SCN2B: variants seen among roughly 807,000 people sequenced by gnomAD.
SCN2B encodes the protein sodium channel regulatory subunit beta-2.
A neutral mutation model predicts 18.2 loss-of-function variants in SCN2B; 14 were observed. The observed-to-expected ratio is 0.77, with a 90% CI of 0.51 to 1.21. The LOEUF is 1.21. Ranked by LOEUF, SCN2B falls within the 50% of genes most tolerant of loss-of-function variation. The pLI is 0.00. For synonymous variants in SCN2B, 115 were observed against 115.3 expected, an observed-to-expected ratio of 1.00 and a Z score of 0.02; for missense variants, 262 against 286.9, an observed-to-expected ratio of 0.91 and a Z score of 0.63.
At chr11:118,175,273 T>C (rs898156919) in intron 1 of SCN2B, among the ~76,000 whole-genome samples, 1 of 152,196 alleles carries the variant, frequency 6.6e-6, no homozygotes, top group African/African-American at 2.4e-5. Context: ...CCTGTGATCA[T>C]TACGTAAATG....
At chr11:118,169,357 G>T (rs1948412303) in intron 1 of SCN2B, among the ~76,000 whole-genome samples, 1 of 152,130 alleles carries the variant, frequency 6.6e-6, no homozygotes, top group African/African-American at 2.4e-5. Context: ...GCTTGCCTCA[G>T]TTTCCCCCTT....
chr11:118,168,129 C>T lies in SCN2B; in HGVS notation c.404G>A (p.Arg135His), dbSNP rs370514575. 7 of 1,614,022 alleles carry T rather than the reference C, an allele frequency of 4.3e-6. No homozygotes were observed. The highest frequency in any genetic ancestry group is 2.2e-5 in the East Asian group (1 of 44,886). ...ATGGATCTTGCCATGGCCACGGTGG[C>T]GGTCAGGGGGGTTCATGATGTAGCA... ...YNCYIMNPPD[R>H]HRGHGKIHLQ... The change falls in exon 3 of 4, where the codon CGC (arginine) becomes CAC (histidine). Residue 135 changes from arginine (R) to histidine (H), a missense_variant. By Grantham distance (29) the Arg-to-His change is conservative. Coordinates refer to ENST00000278947, the MANE Select transcript of SCN2B (RefSeq NM_004588.5). The surrounding 1 kb of genome is among the most constrained non-coding windows in gnomAD (Gnocchi z 4.7).
chr11:118,168,208 C>A lies in SCN2B; in HGVS notation c.325G>T (p.Asp109Tyr). 1 of 1,614,196 alleles carries A rather than the reference C, an allele frequency of 6.2e-7. No homozygotes were observed. The highest frequency in any genetic ancestry group is 8.5e-7 in the Non-Finnish European group (1 of 1,180,012). Reference sequence around the variant, plus strand: ...ACGTTTCTCAGCATCACCGACACATCGTACTTGCTGGGGTTCCCTGAGAAC... The same window carrying A: ...ACGTTTCTCAGCATCACCGACACATAGTACTTGCTGGGGTTCCCTGAGAAC... The part of the protein sequence containing the change: ...VEFSGNPSKY[D>Y]VSVMLRNVQP... The change falls in exon 3 of 4, where the codon GAT becomes TAT. Residue 109 changes from aspartate (D) to tyrosine (Y), a missense_variant. By Grantham distance (160) the Asp-to-Tyr change is radical. Coordinates refer to ENST00000278947, the MANE Select transcript of SCN2B (RefSeq NM_004588.5). This position sits in a 1 kb window ranked among gnomAD's most constrained non-coding sequence, Gnocchi z 4.7.
chr11:118,176,415 C>T lies in SCN2B; in HGVS notation c.17G>A (p.Trp6Ter). MHRDA[W>*]LPRPAFSLTG... ...GAGGCTGAAGGCAGGGCGAGGTAGCCAGGCATCTCTGTGCATTTTCAGAGA... is the reference window on the plus strand; with the variant it reads ...GAGGCTGAAGGCAGGGCGAGGTAGCTAGGCATCTCTGTGCATTTTCAGAGA... The change falls in exon 1 of 4, where the codon TGG (tryptophan) becomes TAG (stop). Residue 6 changes from tryptophan (W) to a stop codon, truncating the protein, a stop_gained. Coordinates refer to ENST00000278947, the MANE Select transcript of SCN2B (RefSeq NM_004588.5). LOFTEE classifies it high-confidence loss of function. 6.2e-7 allele frequency: 1 copy of T among 1,614,064 alleles called. No homozygotes were observed. Among genetic ancestry groups the T allele is most frequent in the East Asian group, 2.2e-5 (1 of 44,886 alleles).
rs899592055 is a variant in SCN2B at position 118,176,347 on chromosome 11, A to G, written c.70+15T>C. On this transcript the variant is annotated intron_variant, in intron 1 of 3. Transcript: ENST00000278947. ...CTTCTGAACCCTCGGGAGCATGCAG[A>G]TGTGTCTAACTTACCCAAAGAGAAA... 5.6e-6 allele frequency: 9 copies of G among 1,611,270 alleles called. No individual in the cohort carries two copies. The highest frequency in any genetic ancestry group is 4.0e-5 in the African/African-American group (3 of 74,286).
intron 1 of SCN2B, among the ~76,000 whole-genome samples, chr11:118,172,492 T>C (rs902599653): frequency 6.6e-6 from 1 of 152,222 alleles, no homozygotes; most frequent in Non-Finnish European, 1.5e-5. Context: ...GCCGACTATA[T>C]GGCAGGTCCA....
At position 118,164,837 on chromosome 11, in the gene SCN2B, T is replaced by A. The variant is rs1019813838; in HGVS notation, c.*2050A>T. On this transcript the variant is annotated 3_prime_UTR_variant, in exon 4 of 4. Coordinates refer to ENST00000278947, the MANE Select transcript of SCN2B (RefSeq NM_004588.5). ...AAATGGTTGCTGAATTGAAGCAAAT[T>A]AAGCTGAATCTCCCAGATGATATTG... The A allele has an allele frequency of 6.6e-6, 1 of 152,638 alleles. No homozygotes were observed. Among genetic ancestry groups the A allele is most frequent in the Admixed American group, 6.5e-5 (1 of 15,274 alleles). 9.5% of individuals were successfully genotyped at this position (152,638 alleles called of 1,614,324 possible).
intron 1 of SCN2B, among the ~76,000 whole-genome samples, chr11:118,172,337 A>T: frequency 6.6e-6 from 1 of 152,230 alleles, no homozygotes; most frequent in African/African-American, 2.4e-5. Flanking sequence ...AAGATGGAGC[A>T]CAAAGAAGTT....
rs777341561 is a variant in SCN2B, at chr11:118,166,843, A to AGGGGAGGAGAC, written c.*33_*43dup. ...GGCAGGGTCACTGTACAGGGCGGAG[A>AGGGGAGGAGAC]GGGGAGGAGACGGGACACGGGAGGC... is the stretch of plus-strand genomic sequence containing the variant. On this transcript the variant is annotated 3_prime_UTR_variant, in exon 4 of 4. Coordinates refer to ENST00000278947, the MANE Select transcript of SCN2B (RefSeq NM_004588.5). 1 of 1,609,270 alleles carries AGGGGAGGAGAC rather than the reference A, an allele frequency of 6.2e-7. No individual in the cohort carries two copies. Among genetic ancestry groups the AGGGGAGGAGAC allele is most frequent in the Non-Finnish European group, 8.5e-7 (1 of 1,177,660 alleles).
chr11:118,166,906 G>C lies in SCN2B; in HGVS notation c.629C>G (p.Pro210Arg). 1 of 1,613,982 alleles carries C rather than the reference G, an allele frequency of 6.2e-7. No homozygotes were observed. Among genetic ancestry groups the C allele is most frequent in the Non-Finnish European group, 8.5e-7 (1 of 1,180,016 alleles). The change falls in exon 4 of 4, where the codon CCG (proline) becomes CGG (arginine). Residue 210 changes from proline to arginine, a missense_variant. Coordinates refer to ENST00000278947, the MANE Select transcript of SCN2B (RefSeq NM_004588.5). ...EEGKTDGEGN[P>R]DDGAK Reference sequence around the variant, plus strand: ...CACCCACTACTTGGCGCCATCATCCGGGTTGCCTTCACCGTCCGTCTTGCC... The same window carrying C: ...CACCCACTACTTGGCGCCATCATCCCGGTTGCCTTCACCGTCCGTCTTGCC...
In SCN2B at chr11:118,166,781, G is replaced by A; in HGVS notation, c.*106C>T. ...TTCAGGAGGCCCCAGGTGGGCCCTG[G>A]GGTCCTAGGTCACGGGAAGCACACC... On this transcript the variant is annotated 3_prime_UTR_variant, in exon 4 of 4. Coordinates refer to ENST00000278947, the MANE Select transcript of SCN2B (RefSeq NM_004588.5). The A allele has an allele frequency of 7.1e-7, 1 of 1,409,308 alleles. No individual in the cohort carries two copies. Among genetic ancestry groups the A allele is most frequent in the Non-Finnish European group, 9.9e-7 (1 of 1,008,294 alleles). 87.3% of individuals were successfully genotyped at this position (1,409,308 alleles called of 1,614,324 possible). A position where few individuals can be genotyped will look rare whatever the true frequency, so the allele number is the denominator to read the frequency against.
At chr11:118,171,493 T>C (rs756008857) in intron 1 of SCN2B, among the ~76,000 whole-genome samples, 27 of 151,816 alleles carry the variant, frequency 1.8e-4, no homozygotes, top group South Asian at 2.1e-4. Flanking sequence ...CTCTAGCTCT[T>C]CCCTTGGAAG....
In SCN2B at chr11:118,166,537, C is replaced by T. The variant is rs1251637869; in HGVS notation, c.*350G>A. On this transcript the variant is annotated 3_prime_UTR_variant, in exon 4 of 4. Coordinates refer to ENST00000278947, the MANE Select transcript of SCN2B (RefSeq NM_004588.5). ...TCTGAAGCCACTGCCAGGCCAAGCACTGGGCAGGTGGACAGCGGCCCCCTC... is the reference window on the plus strand; with the variant it reads ...TCTGAAGCCACTGCCAGGCCAAGCATTGGGCAGGTGGACAGCGGCCCCCTC... 8.0e-6 allele frequency: 3 copies of T among 375,822 alleles called. No individual in the cohort carries two copies. The highest frequency in any genetic ancestry group is 7.6e-5 in the Admixed American group (2 of 26,164). 23.3% of individuals were successfully genotyped at this position (375,822 alleles called of 1,614,324 possible).
chr11:118,163,406 C>G lies in SCN2B; in HGVS notation c.*3481G>C, dbSNP rs1375951686. On this transcript the variant is annotated 3_prime_UTR_variant, in exon 4 of 4. Coordinates refer to ENST00000278947, the MANE Select transcript of SCN2B (RefSeq NM_004588.5). ...TTAACCTGACCTTGCAAATATTTACCAGCCCAACCTCCCCAAGGAGACTCG... is the reference window on the plus strand; with the variant it reads ...TTAACCTGACCTTGCAAATATTTACGAGCCCAACCTCCCCAAGGAGACTCG... 6.6e-6 allele frequency: 1 copy of G among 152,532 alleles called. No individual in the cohort carries two copies. Among genetic ancestry groups the G allele is most frequent in the Non-Finnish European group, 1.5e-5 (1 of 68,052 alleles). 9.4% of individuals were successfully genotyped at this position (152,532 alleles called of 1,614,324 possible).
chr11:118,168,402 C>A lies in SCN2B; in HGVS notation c.238-107G>T. 7.8e-7 allele frequency: 1 copy of A among 1,286,492 alleles called. No individual in the cohort carries two copies. 79.7% of individuals were successfully genotyped at this position (1,286,492 alleles called of 1,614,324 possible). On this transcript the variant is annotated intron_variant, in intron 2 of 3. Transcript: ENST00000278947. This position sits in a 1 kb window ranked among gnomAD's most constrained non-coding sequence, Gnocchi z 4.7. Reference sequence around the variant, plus strand: ...CCACCCTTTTCCTGGGGAAGAGAGGCAGTTACCTCTGTGAGGCACCTGGAT... The same window carrying A: ...CCACCCTTTTCCTGGGGAAGAGAGGAAGTTACCTCTGTGAGGCACCTGGAT...
chr11:118,163,997 C>G lies in SCN2B; in HGVS notation c.*2890G>C, dbSNP rs1038417409. On this transcript the variant is annotated 3_prime_UTR_variant, in exon 4 of 4. Coordinates refer to ENST00000278947, the MANE Select transcript of SCN2B (RefSeq NM_004588.5). ...GCATATGAGGGCTGAGCACCTGGGACAGAGATGGTTCCTGACCCAGCCCCA... is the reference window on the plus strand; with the variant it reads ...GCATATGAGGGCTGAGCACCTGGGAGAGAGATGGTTCCTGACCCAGCCCCA... The G allele has an allele frequency of 1.3e-5, 2 of 152,100 alleles. No homozygotes were observed. Among genetic ancestry groups the G allele is most frequent in the African/African-American group, 4.8e-5 (2 of 41,408 alleles). 9.4% of individuals were successfully genotyped at this position (152,100 alleles called of 1,614,324 possible). A position where few individuals can be genotyped will look rare whatever the true frequency, so the allele number is the denominator to read the frequency against.
At position 118,167,970 on chromosome 11, in the gene SCN2B, T is replaced by C. The variant is rs933184752; in HGVS notation, c.448+115A>G. 78 of 801,692 alleles carry C rather than the reference T, an allele frequency of 9.7e-5. 1 individual carries two copies. In the South Asian group the frequency reaches 1.1e-3, roughly 11 times the overall value. The allele number at this position is 801,692 out of a possible 1,614,324, so 49.7% of individuals were successfully genotyped here. ...ATGGATTCCTTCTATGCAGCACAAATGGTTGCTCCCATCCTCAGGAGGGCC... is the reference window on the plus strand; with the variant it reads ...ATGGATTCCTTCTATGCAGCACAAACGGTTGCTCCCATCCTCAGGAGGGCC... On this transcript the variant is annotated intron_variant, in intron 3 of 3. Coordinates refer to ENST00000278947, the MANE Select transcript of SCN2B (RefSeq NM_004588.5).
At chr11:118,174,096 T>TTTTTTTTG in intron 1 of SCN2B, among the ~76,000 whole-genome samples, 1 of 87,214 alleles carries the variant, frequency 1.1e-5, no homozygotes, top group African/African-American at 1.5e-4. Context: ...CTTTTCTTTT[T>TTTTTTTTG]TTTTTTTTTT....
At chr11:118,175,840 C>T (rs980950930) in intron 1 of SCN2B, among the ~76,000 whole-genome samples, 5 of 152,196 alleles carry the variant, frequency 3.3e-5, no homozygotes, top group Non-Finnish European at 1.5e-5. Flanking sequence ...CCGCTTCCCA[C>T]CTACTCCCAC....
Sources: gnomAD v4.1 joint callset for allele counts (sites outside exome capture counted in the v4.1 genomes callset) on GRCh38, gnomAD v4.1.1 for gene constraint, Gnocchi (gnomAD v3.1) non-coding constraint, MANE v1.5 for transcripts, NCBI Gene and HGNC (gene_info 2026-07-23, HGNC 2026-07-21) for gene names.